Variants in FMNL2 observed in about 807,000 individuals in gnomAD.
FMNL2 encodes the protein formin like 2.
Under a neutral mutation model 130.2 loss-of-function variants are expected in FMNL2, and 51 were observed. The ratio of observed to expected loss-of-function variants is 0.39; its 90% CI spans 0.31 to 0.49. The LOEUF (loss-of-function observed/expected upper bound fraction) is 0.49, where lower values mean the gene tolerates loss of function less well. Among genes scored for constraint, FMNL2 ranks in the 20% least tolerant of loss-of-function variants. The pLI is 0.85. For synonymous variants in FMNL2, 465 were observed against 467.1 expected (o/e 1.00, Z 0.06); for missense variants, 977 against 1,316.2 (o/e 0.74, Z 3.99).
intron 9 of FMNL2, among the ~76,000 whole-genome samples, chr2:152,588,471 C>A (rs59541269): frequency 1.9e-4 from 29 of 152,156 alleles, no homozygotes; most frequent in East Asian, 1.7e-3. Context: ...ATCATCATAC[C>A]TTTGCAGATA....
At chr2:152,551,925 A>G (rs908910892) in intron 4 of FMNL2, among the ~76,000 whole-genome samples, 5 of 152,194 alleles carry the variant, frequency 3.3e-5, no homozygotes, top group African/African-American at 1.2e-4. Flanking sequence ...AGAAGGATCA[A>G]TTGAGCCCAT....
In FMNL2 at chr2:152,619,552, G is replaced by GCCACCCCCCCCCCCCC. The variant is rs5835439; in HGVS notation, c.1673_1674insACCCCCCCCCCCCCCC (p.Pro565SerfsTer21). 3.5e-6 allele frequency: 5 copies of GCCACCCCCCCCCCCCC among 1,417,808 alleles called. No homozygotes were observed. Among genetic ancestry groups the GCCACCCCCCCCCCCCC allele is most frequent in the African/African-American group, 3.4e-5 (2 of 58,874 alleles). The allele number at this position is 1,417,808 out of a possible 1,614,324, so 87.8% of individuals were successfully genotyped here. ...CACCACCTATGCCACCGCCGCCGCCGCCCCCTCCTCCACCTCCTCCTCCCC... is the reference window on the plus strand; with the variant it reads ...CACCACCTATGCCACCGCCGCCGCCGCCACCCCCCCCCCCCCCCCCCTCCTCCACCTCCTCCTCCCC... On this transcript the variant is annotated frameshift_variant, in exon 15 of 26. Coordinates refer to ENST00000288670, the MANE Select transcript of FMNL2 (RefSeq NM_052905.4). LOFTEE classifies it high-confidence loss of function.
intron 1 of FMNL2, among the ~76,000 whole-genome samples, chr2:152,385,802 A>G (rs1416690306): frequency 1.3e-5 from 2 of 152,220 alleles, no homozygotes; most frequent in African/African-American, 4.8e-5. Context: ...AGAACTATCA[A>G]AATGTTTGCT....
intron 1 of FMNL2, among the ~76,000 whole-genome samples, chr2:152,449,254 G>A (rs1014734487): frequency 6.6e-6 from 1 of 152,136 alleles, no homozygotes; most frequent in Non-Finnish European, 1.5e-5. Context: ...TAGCCTCTTA[G>A]ATGTGTGATC....
intron 1 of FMNL2, among the ~76,000 whole-genome samples, chr2:152,359,481 C>G (rs1579473198): frequency 1.4e-5 from 1 of 73,058 alleles, no homozygotes; most frequent in Non-Finnish European, 3.7e-5. Flanking sequence ...AAGAGGTAGC[C>G]TTTTTTTTTT....
At chr2:152,342,551 C>T (rs893861818) in intron 1 of FMNL2, among the ~76,000 whole-genome samples, 2 of 152,154 alleles carry the variant, frequency 1.3e-5, no homozygotes, top group African/African-American at 2.4e-5. Flanking sequence ...CTTCTTAGTT[C>T]TCACCTACTT....
chr2:152,592,946 T>A (rs1697516945), intron 9 of FMNL2, among the ~76,000 whole-genome samples: 1 of 152,152 alleles, frequency 6.6e-6, no homozygotes, highest in African/African-American at 2.4e-5. Context: ...TTAAAATTAC[T>A]GGTAAAATTC....
At chr2:152,597,218 G>T (rs1412208656) in intron 9 of FMNL2, among the ~76,000 whole-genome samples, 1 of 152,130 alleles carries the variant, frequency 6.6e-6, no homozygotes, top group Non-Finnish European at 1.5e-5. Flanking sequence ...AACAAATATT[G>T]TCAGCTGTTA....
intron 2 of FMNL2, among the ~76,000 whole-genome samples, chr2:152,522,690 A>C (rs1290482179): frequency 6.6e-6 from 1 of 152,094 alleles, no homozygotes; most frequent in Non-Finnish European, 1.5e-5. Context: ...CATGCCTTTC[A>C]CCTTCCGCCA....
chr2:152,440,981 A>C (rs1458849507), intron 1 of FMNL2, among the ~76,000 whole-genome samples: 3 of 152,200 alleles, frequency 2.0e-5, no homozygotes, highest in African/African-American at 7.2e-5. Flanking sequence ...TTTTTCAAAG[A>C]AGGGGATGTA....
intron 1 of FMNL2, among the ~76,000 whole-genome samples, chr2:152,352,761 G>T (rs1389535690): frequency 6.6e-6 from 1 of 151,358 alleles, no homozygotes; most frequent in African/African-American, 2.4e-5. Context: ...GCTTTCTGAA[G>T]GCTCTCTTTC....
At chr2:152,619,896 TTGC>T (rs1189730094) in intron 15 of FMNL2, among the ~76,000 whole-genome samples, 178 bp downstream of exon 15, 1 of 152,054 alleles carries the variant, frequency 6.6e-6, no homozygotes, top group African/African-American at 2.4e-5. Flanking sequence ...GGGAGGCACT[TTGC>T]TCTGAGTAGT....
At chr2:152,480,633 TAAAAAAA>T (rs58943356) in intron 1 of FMNL2, among the ~76,000 whole-genome samples, 22 of 37,390 alleles carry the variant, frequency 5.9e-4, no homozygotes, top group Middle Eastern at 0.022. Flanking sequence ...AGACTCTGTC[TAAAAAAA>T]AAAAAAAAAA....
intron 2 of FMNL2, among the ~76,000 whole-genome samples, chr2:152,533,932 A>G (rs1693847054): frequency 6.6e-6 from 1 of 151,516 alleles, no homozygotes; most frequent in Admixed American, 6.6e-5. Flanking sequence ...TTTTTGAACA[A>G]CCTCCCACCA....
intron 1 of FMNL2, among the ~76,000 whole-genome samples, chr2:152,397,084 A>T (rs903403271): frequency 6.6e-6 from 1 of 152,220 alleles, no homozygotes. Flanking sequence ...CGTTGATGGA[A>T]AAAGATCTAT....
chr2:152,619,427 A>T (rs2105895383), intron 14 of FMNL2, 82 bp from the exon 15 acceptor site: 1 of 1,534,840 alleles, frequency 6.5e-7, no homozygotes, highest in East Asian at 2.4e-5. Context: ...TTGTTTTCAG[A>T]TGGCTTTATA....
chr2:152,447,319 T>G (rs964659831), intron 1 of FMNL2, among the ~76,000 whole-genome samples: 36 of 152,304 alleles, frequency 2.4e-4, no homozygotes, highest in African/African-American at 8.2e-4. Context: ...CCCAGGCCGA[T>G]CTTGAACTCC....
At chr2:152,573,219 G>T (rs570947558) in intron 6 of FMNL2, among the ~76,000 whole-genome samples, 19 of 152,298 alleles carry the variant, frequency 1.2e-4, no homozygotes, top group African/African-American at 4.3e-4. Context: ...ATATGCTGCT[G>T]TTTTTGACAA....
chr2:152,452,793 G>A (rs1162733488), intron 1 of FMNL2, among the ~76,000 whole-genome samples: 1 of 152,118 alleles, frequency 6.6e-6, no homozygotes, highest in African/African-American at 2.4e-5. Context: ...GATGGGGAGG[G>A]CTGTCGTACC....
Sources: allele counts gnomAD v4.1 joint callset (sites outside exome capture counted in the v4.1 genomes callset), GRCh38; gene constraint gnomAD v4.1.1; transcripts MANE v1.5; gene names NCBI Gene and HGNC (gene_info 2026-07-23, HGNC 2026-07-21).